The following QKI variants were observed in gnomAD, a reference collection of about 807,000 sequenced individuals.
QKI encodes the protein KH domain-containing RNA-binding protein QKI.
In QKI, 10 loss-of-function variants were observed where a neutral mutation model predicts 39.0. That is an observed-to-expected ratio of 0.26 (90% CI 0.16 to 0.43). The LOEUF (loss-of-function observed/expected upper bound fraction) is 0.43, where lower values mean the gene tolerates loss of function less well. Ranked by LOEUF, QKI falls within the 20% of genes least tolerant of loss-of-function variation. The pLI is 1.00. For missense variants in QKI, 218 were observed against 428.0 expected (o/e 0.51, Z 4.33); for synonymous variants, 204 against 155.4 (o/e 1.31, Z -2.33).
intron 3 of QKI, among the ~76,000 whole-genome samples, chr6:163,483,109 A>G (rs1479118384): frequency 6.6e-6 from 1 of 152,236 alleles, no homozygotes; most frequent in Non-Finnish European, 1.5e-5. Context: ...AGTGCATATA[A>G]AAGTTATGTT....
chr6:163,553,734 A>C (rs1333721110), intron 4 of QKI, among the ~76,000 whole-genome samples: 2 of 152,092 alleles, frequency 1.3e-5, no homozygotes, highest in Admixed American at 1.3e-4. Context: ...TGTTTTTCTG[A>C]GATTGTTACT....
chr6:163,467,587 CA>C (rs1791863107), intron 2 of QKI, among the ~76,000 whole-genome samples: 1 of 152,084 alleles, frequency 6.6e-6, no homozygotes, highest in African/African-American at 2.4e-5. Flanking sequence ...GTGCTATGAA[CA>C]AAAATGTTTA....
intron 3 of QKI, among the ~76,000 whole-genome samples, chr6:163,496,410 T>C (rs1456703739): frequency 6.6e-6 from 1 of 152,034 alleles, no homozygotes; most frequent in South Asian, 2.1e-4. Context: ...GGAGGTAAAG[T>C]ACCTTCTGTG....
intron 7 of QKI, chr6:163,569,178 A>G (rs1041261229): frequency 4.1e-5 from 39 of 957,070 alleles, no homozygotes; most frequent in Non-Finnish European, 4.5e-5. Context: ...TGGAGCAGCA[A>G]TTTTTATTTT....
rs1783751635 is a variant in QKI at position 163,572,568 on chromosome 6, A to G, written c.*1858A>G. 1 of 150,240 alleles carries G rather than the reference A, an allele frequency of 6.7e-6. No homozygotes were observed. The highest frequency in any genetic ancestry group is 2.4e-5 in the African/African-American group (1 of 40,852). The allele number at this position is 150,240 out of a possible 1,614,324, so 9.3% of individuals were successfully genotyped here. A position where few individuals can be genotyped will look rare whatever the true frequency, so the allele number is the denominator to read the frequency against. On this transcript the variant is annotated 3_prime_UTR_variant, in exon 8 of 8. Transcript: ENST00000361752. ...TCTCAAGAAGTTGAAACAGTTAGTT[A>G]TGTAGTTGAAGCAATTTGTGTGCAA... is the stretch of plus-strand genomic sequence containing the variant.
chr6:163,439,595 C>G (rs922936359), intron 1 of QKI, among the ~76,000 whole-genome samples: 1 of 151,050 alleles, frequency 6.6e-6, no homozygotes, highest in Non-Finnish European at 1.5e-5. Context: ...CTCAGGTGAT[C>G]CACTTATCTC....
chr6:163,499,631 T>C (rs1317835772), intron 3 of QKI, among the ~76,000 whole-genome samples: 1 of 152,178 alleles, frequency 6.6e-6, no homozygotes, highest in Non-Finnish European at 1.5e-5. Flanking sequence ...ATGTTTCCAG[T>C]ATCTTCTGTG....
intron 3 of QKI, among the ~76,000 whole-genome samples, chr6:163,483,119 T>G (rs1441340938): frequency 6.6e-6 from 1 of 152,240 alleles, no homozygotes; most frequent in Non-Finnish European, 1.5e-5. Flanking sequence ...AAAGTTATGT[T>G]TATACCATAC....
intron 4 of QKI, among the ~76,000 whole-genome samples, chr6:163,536,003 T>G (rs1226269532): frequency 6.6e-6 from 1 of 152,188 alleles, no homozygotes; most frequent in Non-Finnish European, 1.5e-5. Flanking sequence ...TTTACATAAA[T>G]GAGTTATGGT....
rs1330793044 is a variant in QKI, at chr6:163,576,116, A to C, written c.*5406A>C. ...TAATACCTTTATTTAAAATGGAAAA[A>C]ATATGGACAATATTTTAGAAATATG... On this transcript the variant is annotated 3_prime_UTR_variant, in exon 8 of 8. Coordinates refer to ENST00000361752, the MANE Select transcript of QKI (RefSeq NM_006775.3). 7 of 152,200 alleles carry C rather than the reference A, an allele frequency of 4.6e-5. No individual in the cohort carries two copies. The highest frequency in any genetic ancestry group is 4.6e-4 in the Admixed American group (7 of 15,280). The allele number at this position is 152,200 out of a possible 1,614,324, so 9.4% of individuals were successfully genotyped here.
rs375485606 is a variant in QKI at position 163,420,019 on chromosome 6, A to C, written c.142+4684A>C. ...TGGTTTTTGGTTTCCTTTTTCAGGG[A>C]AATAGATTTCTGTGATGAAAGAAGT... On this transcript the variant is annotated intron_variant, in intron 1 of 7. Transcript: ENST00000361752. 1.3e-4 allele frequency among the ~76,000 whole-genome samples: 20 copies of C among 152,246 alleles called. 1 individual carries two copies. Among genetic ancestry groups the C allele is most frequent in the African/African-American group, 4.3e-4 (18 of 41,530 alleles).
intron 4 of QKI, among the ~76,000 whole-genome samples, chr6:163,553,070 ATTTATTTATTTATTTATTTATTTATT>A (rs1782357907): frequency 9.7e-5 from 1 of 10,294 alleles, no homozygotes; most frequent in Non-Finnish European, 1.9e-4. Context: ...ATTTTTATTT[ATTTATTTATTTATTTATTTATTTATT>A]TATTTATTTA....
chr6:163,470,209 G>T (rs1262998830), intron 2 of QKI, among the ~76,000 whole-genome samples: 1 of 152,018 alleles, frequency 6.6e-6, no homozygotes, highest in Non-Finnish European at 1.5e-5. Flanking sequence ...GAGCTTTGGG[G>T]GATAGCGTTT....
chr6:163,505,337 G>T (rs572914039), intron 3 of QKI, among the ~76,000 whole-genome samples: 33 of 152,112 alleles, frequency 2.2e-4, no homozygotes, highest in Non-Finnish European at 4.1e-4. Flanking sequence ...ATGAGAAGAG[G>T]GCCACCATCC....
intron 4 of QKI, among the ~76,000 whole-genome samples, chr6:163,555,172 T>C (rs1469827872): frequency 1.3e-5 from 2 of 152,208 alleles, no homozygotes; most frequent in Non-Finnish European, 2.9e-5. Flanking sequence ...AGAAAACTAA[T>C]TCATTTTTTA....
intron 3 of QKI, among the ~76,000 whole-genome samples, chr6:163,480,280 TCTTC>T (rs765230677): frequency 3.3e-4 from 50 of 152,212 alleles, no homozygotes; most frequent in Non-Finnish European, 5.7e-4. Flanking sequence ...TCTCTCTCTT[TCTTC>T]CTTCCTTCCT....
At position 163,455,430 on chromosome 6, in the gene QKI, A is replaced by G. The variant is rs1391816750; in HGVS notation, c.285+9A>G. On this transcript the variant is annotated intron_variant, in intron 2 of 7. Transcript: ENST00000361752. ...TAAAAGAATACCCAGATGTAAGTAT[A>G]TTTTGTTGTTTTATTCAATTTTGTT... 13 of 1,607,286 alleles carry G rather than the reference A, an allele frequency of 8.1e-6. No homozygotes were observed. The highest frequency in any genetic ancestry group is 1.1e-5 in the Non-Finnish European group (13 of 1,175,236).
intron 3 of QKI, among the ~76,000 whole-genome samples, chr6:163,487,500 T>A (rs1777756383): frequency 1.3e-5 from 2 of 152,236 alleles, no homozygotes; most frequent in Admixed American, 1.3e-4. Flanking sequence ...TTCTCTGGTG[T>A]CTCATTAATA....
At chr6:163,471,422 ATAAACC>A (rs1792174560) in intron 2 of QKI, among the ~76,000 whole-genome samples, 2 of 152,202 alleles carry the variant, frequency 1.3e-5, no homozygotes, top group Admixed American at 1.3e-4. Flanking sequence ...AAAATTGTTG[ATAAACC>A]TAAATGCATA....
Sources: allele counts gnomAD v4.1 joint callset (sites outside exome capture counted in the v4.1 genomes callset), GRCh38; gene constraint gnomAD v4.1.1; transcripts MANE v1.5; gene names NCBI Gene and HGNC (gene_info 2026-07-23, HGNC 2026-07-21).